ADAMTS3: variants seen among roughly 807,000 people sequenced by gnomAD.
ADAMTS3 encodes the protein ADAM metallopeptidase with thrombospondin type 1 motif 3.
ADAMTS3 carries 73 observed loss-of-function variants against 129.0 expected under a neutral mutation model. The observed-to-expected ratio is 0.57, with a 90% confidence interval of 0.47 to 0.69. The LOEUF (loss-of-function observed/expected upper bound fraction) is 0.69, where lower values mean the gene tolerates loss of function less well. ADAMTS3 is among the 30% of genes least tolerant of loss of function. The pLI, the probability that ADAMTS3 is intolerant of heterozygous loss-of-function variation, is 0.00. For missense variants in ADAMTS3, 1,457 were observed against 1,514.5 expected, an observed-to-expected ratio of 0.96 and a Z score of 0.63; for synonymous variants, 477 against 510.8, an observed-to-expected ratio of 0.93 and a Z score of 0.89.
In ADAMTS3 at chr4:72,290,908, G is replaced by C; in HGVS notation, c.2878C>G (p.Pro960Ala). Reference sequence around the variant, plus strand: ...GCAGGGCAGGGCACTCTGTTACAGGGCCGGCGGCTCTCGGGACGGTCACCC... The same window carrying C: ...GCAGGGCAGGGCACTCTGTTACAGGCCCGGCGGCTCTCGGGACGGTCACCC... Reference protein sequence around the residue: ...CMGDRPESRRPCNRVPCPAQW... With the variant: ...CMGDRPESRRACNRVPCPAQW... The change falls in exon 20 of 22, where the codon CCC becomes GCC. Residue 960 changes from proline (P) to alanine (A), a missense_variant. Pro to Ala is a conservative substitution (Grantham distance 27). Transcript: ENST00000286657. 1 of 1,613,994 alleles carries C rather than the reference G, an allele frequency of 6.2e-7. No homozygotes were observed.
At chr4:72,494,042 C>T (rs1006866912) in intron 3 of ADAMTS3, among the ~76,000 whole-genome samples, 11 of 152,080 alleles carry the variant, frequency 7.2e-5, no homozygotes, top group African/African-American at 2.2e-4. Context: ...TTACAATGTG[C>T]CTCAGTATAG....
At chr4:72,547,147 G>T (rs2109786026) in intron 3 of ADAMTS3, among the ~76,000 whole-genome samples, 1 of 152,268 alleles carries the variant, frequency 6.6e-6, no homozygotes, top group East Asian at 1.9e-4. Flanking sequence ...TAGATTGGAT[G>T]CTATCAGAAA....
At chr4:72,506,878 T>G (rs1180419904) in intron 3 of ADAMTS3, among the ~76,000 whole-genome samples, 1 of 152,200 alleles carries the variant, frequency 6.6e-6, no homozygotes, top group Non-Finnish European at 1.5e-5. Flanking sequence ...GGATTCCCAT[T>G]TTTCTTCCTG....
chr4:72,284,550 T>C (rs1718452666), intron 21 of ADAMTS3, among the ~76,000 whole-genome samples: 1 of 152,216 alleles, frequency 6.6e-6, no homozygotes, highest in Non-Finnish European at 1.5e-5. Flanking sequence ...GGGTAAAGTA[T>C]GCCAAATTTC....
chr4:72,411,353 A>C (rs977183969), intron 4 of ADAMTS3, among the ~76,000 whole-genome samples: 6 of 152,086 alleles, frequency 3.9e-5, no homozygotes, highest in African/African-American at 1.4e-4. Context: ...AGGGCTCCAG[A>C]GTGTGGGAGA....
rs780848848 is a variant in ADAMTS3 at position 72,320,763 on chromosome 4, G to A, written c.1053C>T (p.Asp351=). 1.2e-6 allele frequency: 2 copies of A among 1,613,964 alleles called. No individual in the cohort carries two copies. The highest frequency in any genetic ancestry group is 1.7e-6 in the Non-Finnish European group (2 of 1,179,898). The part of the protein sequence containing the change: ...RSDLNHSEHH[D]HAIFLTRQDF... ...CTTGCCTGGTTAAAAAAATTGCATGGTCATGGTGTTCAGAGTGGTTGAGAT... is the reference window on the plus strand; with the variant it reads ...CTTGCCTGGTTAAAAAAATTGCATGATCATGGTGTTCAGAGTGGTTGAGAT... Residue 351 remains aspartate, a synonymous_variant, in exon 7 of 22, where the codon GAC becomes GAT. Transcript: ENST00000286657.
At chr4:72,434,512 T>G (rs1486414896) in intron 3 of ADAMTS3, among the ~76,000 whole-genome samples, 1 of 151,418 alleles carries the variant, frequency 6.6e-6, no homozygotes, top group African/African-American at 2.4e-5. Context: ...ACCTCTGAGG[T>G]TGGGTCTTGT....
chr4:72,488,441 CTG>C (rs1226332631), intron 3 of ADAMTS3, among the ~76,000 whole-genome samples: 1 of 151,974 alleles, frequency 6.6e-6, no homozygotes, highest in African/African-American at 2.4e-5. Flanking sequence ...AATTCCATCT[CTG>C]TGAAATACTG....
At chr4:72,367,288 A>T (rs931230243) in intron 4 of ADAMTS3, among the ~76,000 whole-genome samples, 1 of 152,132 alleles carries the variant, frequency 6.6e-6, no homozygotes, top group Non-Finnish European at 1.5e-5. Context: ...TAGAAACTGA[A>T]TCTGGTTATC....
chr4:72,464,473 C>T (rs115984964), intron 3 of ADAMTS3, among the ~76,000 whole-genome samples: 320 of 151,966 alleles, frequency 2.1e-3, no homozygotes, highest in African/African-American at 7.5e-3. Context: ...GTGGGCAGGG[C>T]TAAATTGTGA....
chr4:72,334,980 T>A (rs1719953430), intron 5 of ADAMTS3, among the ~76,000 whole-genome samples: 1 of 152,128 alleles, frequency 6.6e-6, no homozygotes, highest in Admixed American at 6.5e-5. Flanking sequence ...GGAGTGGGGA[T>A]GAGTAGAGGG....
intron 6 of ADAMTS3, among the ~76,000 whole-genome samples, chr4:72,322,576 A>T (rs1719584868): frequency 6.6e-6 from 1 of 152,200 alleles, no homozygotes. Context: ...AAGAGAAGAC[A>T]AAGATCTTTG....
At chr4:72,493,763 A>C (rs1719805919) in intron 3 of ADAMTS3, among the ~76,000 whole-genome samples, 1 of 152,074 alleles carries the variant, frequency 6.6e-6, no homozygotes, top group Non-Finnish European at 1.5e-5. Flanking sequence ...TTGTAAAGTA[A>C]GTCTAGTGGT....
intron 4 of ADAMTS3, among the ~76,000 whole-genome samples, chr4:72,347,238 C>A (rs28583639): frequency 0.18 from 27,085 of 151,174 alleles, 3,137 homozygotes; most frequent in East Asian, 0.43. Context: ...TTCAGTTTCA[C>A]AAACCAATAA....
intron 3 of ADAMTS3, among the ~76,000 whole-genome samples, chr4:72,489,327 T>C (rs1411503336): frequency 2.0e-5 from 3 of 151,956 alleles, no homozygotes; most frequent in Admixed American, 6.6e-5. Context: ...CCATGGTCAA[T>C]TGCAGTCCAA....
Position 72,355,249 on chromosome 4 carries a change from T to C in ADAMTS3, c.662-15556A>G, listed in dbSNP as rs371299044. On this transcript the variant is annotated intron_variant, in intron 4 of 21. Coordinates refer to ENST00000286657, the MANE Select transcript of ADAMTS3 (RefSeq NM_014243.3). ...TTAAGGAACTGTTCAGATTCTTCCCTGAACCAAGGGACCAGCTCACATTTC... is the reference window on the plus strand; with the variant it reads ...TTAAGGAACTGTTCAGATTCTTCCCCGAACCAAGGGACCAGCTCACATTTC... 7.6e-4 allele frequency among the ~76,000 whole-genome samples: 115 copies of C among 152,054 alleles called. 3 individuals carry two copies. In the South Asian group the frequency reaches 0.023, roughly 30 times the overall value.
rs201651603 is a variant in ADAMTS3, at chr4:72,442,906, AC to A, written c.505-27936del. On this transcript the variant is annotated intron_variant, in intron 3 of 21. Transcript: ENST00000286657. ...ATCCTTGAGTTCAAAACTTTGACTC[AC>A]CCCCGAAAATTCTTTAACCTTGGAT... Among the ~76,000 whole-genome samples, 988 of 151,766 alleles carry A rather than the reference AC, an allele frequency of 6.5e-3. 6 individuals carry two copies. The highest frequency in any genetic ancestry group is 0.023 in the African/African-American group (940 of 41,456).
At chr4:72,390,020 A>G (rs2109891619) in intron 4 of ADAMTS3, among the ~76,000 whole-genome samples, 1 of 152,334 alleles carries the variant, frequency 6.6e-6, no homozygotes, top group Non-Finnish European at 1.5e-5. Context: ...GGAAAAGGAG[A>G]GGGGAAGCGG....
intron 3 of ADAMTS3, among the ~76,000 whole-genome samples, chr4:72,500,807 G>T (rs1719998128): frequency 6.6e-6 from 1 of 151,970 alleles, no homozygotes; most frequent in Non-Finnish European, 1.5e-5. Flanking sequence ...TGAAAGGTAG[G>T]AGTAGTTCCG....
Sources: gnomAD v4.1 joint callset for allele counts (sites outside exome capture counted in the v4.1 genomes callset) on GRCh38, gnomAD v4.1.1 for gene constraint, MANE v1.5 for transcripts, NCBI Gene and HGNC (gene_info 2026-07-23, HGNC 2026-07-21) for gene names.